The following REXO4 variants were observed in gnomAD, a reference collection of about 807,000 sequenced individuals.
REXO4 encodes the protein REX4 homolog, 3'-5' exonuclease.
Under a neutral mutation model 39.9 loss-of-function variants are expected in REXO4, and 29 were observed. The ratio of observed to expected loss-of-function variants is 0.73; its 90% CI spans 0.54 to 0.99. The LOEUF (loss-of-function observed/expected upper bound fraction) is 0.99. REXO4 is among the 50% of genes least tolerant of loss of function. The pLI, the probability that REXO4 is intolerant of heterozygous loss-of-function variation, is 0.00. For synonymous variants in REXO4, 184 were observed against 206.2 expected (o/e 0.89, Z 0.92); for missense variants, 524 against 546.5 (o/e 0.96, Z 0.41).
chr9:133,414,372 C>G (rs1282877242), intron 2 of REXO4: 9 of 615,648 alleles, frequency 1.5e-5, no homozygotes, highest in Non-Finnish European at 2.4e-5. Context: ...TGGCGAGAAG[C>G]AGGGACAGGC....
At chr9:133,409,560 TTTTTG>T (rs1383804329) in intron 5 of REXO4, among the ~76,000 whole-genome samples, 1 of 152,110 alleles carries the variant, frequency 6.6e-6, no homozygotes, top group African/African-American at 2.4e-5. Flanking sequence ...AGCATGCAAT[TTTTTG>T]TTTTGTTTTG....
chr9:133,407,773 A>G, intron 7 of REXO4, 34 bp downstream of exon 7: 1 of 1,596,618 alleles, frequency 6.3e-7, no homozygotes. Context: ...AAACCGCCCC[A>G]AACCCCATGA....
intron 7 of REXO4, 82 bp from the exon 8 acceptor site, chr9:133,407,154 C>A: frequency 6.3e-7 from 1 of 1,588,790 alleles, no homozygotes; most frequent in Non-Finnish European, 8.5e-7. Context: ...AGCCCTCCCA[C>A]TAGCCACTCT....
At chr9:133,412,720 GC>G in intron 3 of REXO4, 57 bp downstream of exon 3, 3 of 1,592,252 alleles carry the variant, frequency 1.9e-6, no homozygotes, top group Non-Finnish European at 2.6e-6. Flanking sequence ...CCTTGAAGAA[GC>G]CCCGCCCTCC....
rs587698156 is a variant in REXO4, at chr9:133,417,835, C to G, written c.10G>C (p.Ala4Pro). 2 of 1,599,922 alleles carry G rather than the reference C, an allele frequency of 1.3e-6. No individual in the cohort carries two copies. The highest frequency in any genetic ancestry group is 4.5e-5 in the East Asian group (2 of 44,876). Reference sequence around the variant, plus strand: ...GCGCGCTTGGAGGCGGGGACCTTCGCCTTCCCCATCCTGCTGCCGTCCAGC... The same window carrying G: ...GCGCGCTTGGAGGCGGGGACCTTCGGCTTCCCCATCCTGCTGCCGTCCAGC... MGK[A>P]KVPASKRAPS... The change falls in exon 1 of 8, where the codon GCG (alanine) becomes CCG (proline). Residue 4 changes from alanine (A) to proline (P), a missense_variant. Coordinates refer to ENST00000371942, the MANE Select transcript of REXO4 (RefSeq NM_020385.4).
intron 5 of REXO4, 93 bp downstream of exon 5, chr9:133,410,892 C>A: frequency 1.1e-6 from 1 of 905,212 alleles, no homozygotes; most frequent in African/African-American, 1.6e-5. Context: ...AGCACAAACC[C>A]ACACATTGTT....
chr9:133,411,481 T>C (rs7032021), intron 4 of REXO4, among the ~76,000 whole-genome samples: 16,013 of 152,102 alleles, frequency 0.11, 1,060 homozygotes, highest in African/African-American at 0.18. Context: ...CAAAAATGGG[T>C]AGAGATGTGT....
At chr9:133,408,027 G>C (rs1554779335) in intron 6 of REXO4, 146 bp from the exon 7 acceptor site, 3 of 613,068 alleles carry the variant, frequency 4.9e-6, no homozygotes, top group East Asian at 2.8e-5. Flanking sequence ...ATGGCACTTA[G>C]GGTGGTAGCC....
chr9:133,408,413 T>G (rs587614087), intron 6 of REXO4, among the ~76,000 whole-genome samples: 11 of 151,806 alleles, frequency 7.2e-5, no homozygotes, highest in African/African-American at 2.7e-4. Flanking sequence ...GAGCCAAGAT[T>G]ATGCCATTGC....
intron 7 of REXO4, 142 bp downstream of exon 7, chr9:133,407,665 T>A: frequency 2.2e-6 from 1 of 455,606 alleles, no homozygotes; most frequent in South Asian, 3.1e-5. Flanking sequence ...GCTCTACCAT[T>A]TTTTTTTTTT....
In REXO4 at chr9:133,417,831, T is replaced by C. The variant is rs900800336; in HGVS notation, c.14A>G (p.Lys5Arg). 6.2e-7 allele frequency: 1 copy of C among 1,601,084 alleles called. No individual in the cohort carries two copies. The highest frequency in any genetic ancestry group is 1.3e-5 in the African/African-American group (1 of 74,870). The change falls in exon 1 of 8, where the codon AAG becomes AGG. Residue 5 changes from lysine (K) to arginine (R), a missense_variant. By Grantham distance (26) the Lys-to-Arg change is conservative (BLOSUM62 2). Transcript: ENST00000371942. ...CGGGGCGCGCTTGGAGGCGGGGACC[T>C]TCGCCTTCCCCATCCTGCTGCCGTC... MGKA[K>R]VPASKRAPSS...
rs1473285263 is a variant in REXO4 at position 133,407,915 on chromosome 9, G to A, written c.1075-34C>T. The stretch of plus-strand genomic sequence containing the variant: ...GGGGAAGAGGCGGGTGGGGGCCTCT[G>A]CAGGCTCGGCCCAAAGAGGGTCACC... On this transcript the variant is annotated intron_variant, in intron 6 of 7. Coordinates refer to ENST00000371942, the MANE Select transcript of REXO4 (RefSeq NM_020385.4). The A allele has an allele frequency of 8.4e-6, 13 of 1,555,240 alleles. No homozygotes were observed. The Admixed American group carries it at 2.2e-4, about 26-fold the overall frequency.
upstream of REXO4, chr9:133,418,093 C>T (rs587617094): frequency 3.8e-6 from 2 of 530,288 alleles, no homozygotes; most frequent in Non-Finnish European, 6.6e-6. Flanking sequence ...TCTGGTTCCG[C>T]GCAGCCTGGG....
intron 1 of REXO4, among the ~76,000 whole-genome samples, chr9:133,417,293 A>G (rs1257431536): frequency 6.6e-6 from 1 of 152,282 alleles, no homozygotes; most frequent in East Asian, 1.9e-4. Flanking sequence ...CTGGGATCAC[A>G]GGCGTGAGGC....
intron 3 of REXO4, 74 bp from the exon 4 acceptor site, chr9:133,412,566 C>A (rs1839278723): frequency 2.0e-6 from 3 of 1,532,856 alleles, no homozygotes; most frequent in Non-Finnish European, 1.8e-6. Context: ...CCCCAGGGAT[C>A]CATGGACTAA....
chr9:133,412,882 G>A lies in REXO4; in HGVS notation c.612C>T (p.Ile204=), dbSNP rs200678333. The part of the protein sequence containing the change: ...IWFDDVDPAD[I]EAAIGPEAAK... ...CCGCCTCTGGACCTATGGCAGCTTC[G>A]ATATCCGCTGGGTCCACGTCGTCAA... is the stretch of plus-strand genomic sequence containing the variant. Residue 204 remains isoleucine, a synonymous_variant, in exon 3 of 8, where the codon ATC becomes ATT. Coordinates refer to ENST00000371942, the MANE Select transcript of REXO4 (RefSeq NM_020385.4). The A allele has an allele frequency of 1.1e-5, 17 of 1,614,046 alleles. No homozygotes were observed. The East Asian group carries it at 1.3e-4, about 13-fold the overall frequency.
At chr9:133,412,047 A>T (rs1056325558) in intron 4 of REXO4, among the ~76,000 whole-genome samples, 1 of 152,064 alleles carries the variant, frequency 6.6e-6, no homozygotes, top group African/African-American at 2.4e-5. Context: ...GACTACAGGC[A>T]TGAGCCACCG....
chr9:133,407,775 ACCCCATGAACTAC>A lies in REXO4; in HGVS notation c.1149+19_1149+31del, dbSNP rs1838987488. 1.9e-6 allele frequency: 3 copies of A among 1,597,490 alleles called. No homozygotes were observed. The East Asian group carries it at 6.8e-5, about 36-fold the overall frequency. ...GGTTCCAGGTGGGAAACCGCCCCAA[ACCCCATGAACTAC>A]CCCACAGGACACACTTACTGAACAG... On this transcript the variant is annotated intron_variant, in intron 7 of 7. Coordinates refer to ENST00000371942, the MANE Select transcript of REXO4 (RefSeq NM_020385.4).
intron 2 of REXO4, 49 bp downstream of exon 2, chr9:133,414,613 TTGG>T (rs1458922959): frequency 6.5e-7 from 1 of 1,531,074 alleles, no homozygotes; most frequent in African/African-American, 1.4e-5. Flanking sequence ...GAGACAGGCC[TTGG>T]TGAAGTCGCT....
Sources: gnomAD v4.1 joint callset for allele counts (sites outside exome capture counted in the v4.1 genomes callset) on GRCh38, gnomAD v4.1.1 for gene constraint, MANE v1.5 for transcripts, NCBI Gene and HGNC (gene_info 2026-07-23, HGNC 2026-07-21) for gene names.